Variants in DNMT3A observed in about 807,000 individuals in gnomAD.
The protein encoded by DNMT3A is DNA methyltransferase 3 alpha.
DNMT3A carries 267 observed loss-of-function variants against 117.6 expected under a neutral mutation model. That is an observed-to-expected ratio of 2.27 (90% confidence interval 2.05 to 2.51). The LOEUF is 2.51. Among genes scored for constraint, DNMT3A ranks in the 30% most tolerant of loss-of-function variants. The pLI, the probability that DNMT3A is intolerant of heterozygous loss-of-function variation, is 0.00. For synonymous variants in DNMT3A, 432 were observed against 474.8 expected (o/e 0.91, Z 1.17); for missense variants, 1,029 against 1,260.2 (o/e 0.82, Z 2.78).
At chr2:25,336,320 A>C (rs2035214551) in intron 1 of DNMT3A, among the ~76,000 whole-genome samples, 1 of 152,166 alleles carries the variant, frequency 6.6e-6, no homozygotes, top group Non-Finnish European at 1.5e-5. Flanking sequence ...AGCCCCTTGC[A>C]GGAATGTTCT....
rs59173625 is a variant in DNMT3A, at chr2:25,339,946, CG to C, written c.-178+1879del. Among the ~76,000 whole-genome samples, 152,366 of 152,366 alleles carry C rather than the reference CG, an allele frequency of 1. 76,183 individuals are homozygous for C. Among genetic ancestry groups the C allele is most frequent in the Non-Finnish European group, 1 (68,040 of 68,040 alleles). ...CCTTCGTAGCCGCCCGCCCAGGAGG[CG>C]GGTTCAGCCGCTGGCAGCCTAGGGT... On this transcript the variant is annotated intron_variant, in intron 1 of 22. Transcript: ENST00000321117. The surrounding 1 kb of genome is among the most constrained non-coding windows in gnomAD (Gnocchi z 4.9).
intron 1 of DNMT3A, among the ~76,000 whole-genome samples, chr2:25,317,478 T>C (rs1345737266): frequency 6.6e-6 from 1 of 152,218 alleles, no homozygotes; most frequent in African/African-American, 2.4e-5. Flanking sequence ...CAGACAGGCG[T>C]GTGAACGCTG....
chr2:25,281,678 C>A lies in DNMT3A; in HGVS notation c.448+763G>T. 1.9e-6 allele frequency: 2 copies of A among 1,065,648 alleles called. No individual in the cohort carries two copies. 66.0% of individuals were successfully genotyped at this position (1,065,648 alleles called of 1,614,324 possible). A position where few individuals can be genotyped will look rare whatever the true frequency, so the allele number is the denominator to read the frequency against. The stretch of plus-strand genomic sequence containing the variant: ...GAAAGCGCTTTGTAAACTGTGAAGC[C>A]CTGTACAAATGCTAGTTGTCCTCAT... On this transcript the variant is annotated intron_variant, in intron 4 of 22. Transcript: ENST00000321117. This position sits in a 1 kb window ranked among gnomAD's most constrained non-coding sequence, Gnocchi z 4.8.
chr2:25,246,972 C>A (rs565030490), intron 9 of DNMT3A, 79 bp downstream of exon 9: 2 of 1,540,220 alleles, frequency 1.3e-6, no homozygotes, highest in African/African-American at 2.7e-5. Context: ...CCGTTCTGCT[C>A]AAGCCCGACC....
At chr2:25,316,747 T>G (rs1280975795) in intron 1 of DNMT3A, among the ~76,000 whole-genome samples, 1 of 152,176 alleles carries the variant, frequency 6.6e-6, no homozygotes, top group Non-Finnish European at 1.5e-5. Context: ...ACCAAAGCGT[T>G]CTTCCCACCT....
chr2:25,332,289 C>T (rs1279150528), intron 1 of DNMT3A, among the ~76,000 whole-genome samples: 2 of 152,232 alleles, frequency 1.3e-5, no homozygotes, highest in East Asian at 1.9e-4. Context: ...AAAGTGCCGT[C>T]GTCCACCTAG....
intron 1 of DNMT3A, among the ~76,000 whole-genome samples, chr2:25,333,082 G>A (rs2035074728): frequency 6.7e-6 from 1 of 149,768 alleles, no homozygotes; most frequent in African/African-American, 2.4e-5. Context: ...TGGCTTCACA[G>A]GAAGAAGTGG....
At position 25,247,690 on chromosome 2, in the gene DNMT3A, C is replaced by T. The variant is rs761839006; in HGVS notation, c.915G>A (p.Trp305Ter). ...ACCAAGACACAATGCGGCCTGGCCA[C>T]CAGGAGAAGCCCCGCAGTTTCCCCC... ...LVWGKLRGFSWWPGRIVSWWM... is the reference protein window; with the variant it reads ...LVWGKLRGFS The change falls in exon 8 of 23, where the codon TGG (tryptophan) becomes TGA (stop). Residue 305 changes from tryptophan to a stop codon, truncating the protein, a stop_gained. Coordinates refer to ENST00000321117, the MANE Select transcript of DNMT3A (RefSeq NM_022552.5). LOFTEE classifies it high-confidence loss of function. This position sits in a 1 kb window ranked among gnomAD's most constrained non-coding sequence, Gnocchi z 5.6. 5.6e-6 allele frequency: 9 copies of T among 1,613,656 alleles called. No homozygotes were observed. The highest frequency in any genetic ancestry group is 1.7e-5 in the Admixed American group (1 of 59,998).
At chr2:25,264,612 G>A (rs2149349908) in intron 6 of DNMT3A, among the ~76,000 whole-genome samples, 2 of 152,036 alleles carry the variant, frequency 1.3e-5, no homozygotes, top group East Asian at 1.9e-4. Flanking sequence ...GGAGGTGCCT[G>A]CCACCACGCC....
chr2:25,319,214 C>G (rs1414905713), intron 1 of DNMT3A, among the ~76,000 whole-genome samples: 1 of 151,932 alleles, frequency 6.6e-6, no homozygotes, highest in Non-Finnish European at 1.5e-5. Context: ...CGGGGTTTCA[C>G]CATGTTAGCC....
rs889272244 is a variant in DNMT3A at position 25,311,606 on chromosome 2, G to A, written c.72+2307C>T. Among the ~76,000 whole-genome samples, 2 of 152,198 alleles carry A rather than the reference G, an allele frequency of 1.3e-5. No homozygotes were observed. Among genetic ancestry groups the A allele is most frequent in the African/African-American group, 2.4e-5 (1 of 41,438 alleles). ...TCAGCACCGGGATCTAGGGCTGGGT[G>A]TGTGTTTGTTGCCGCTTGAGCCAGA... On this transcript the variant is annotated intron_variant, in intron 2 of 22. Coordinates refer to ENST00000321117, the MANE Select transcript of DNMT3A (RefSeq NM_022552.5). This position sits in a 1 kb window ranked among gnomAD's most constrained non-coding sequence, Gnocchi z 5.2.
chr2:25,270,141 AC>A (rs1439121840), intron 6 of DNMT3A, among the ~76,000 whole-genome samples: 1 of 152,178 alleles, frequency 6.6e-6, no homozygotes, highest in Admixed American at 6.5e-5. Flanking sequence ...GTGCACCACC[AC>A]AACAAACTCC....
At chr2:25,262,313 C>T (rs754773607) in intron 6 of DNMT3A, among the ~76,000 whole-genome samples, 16 of 151,984 alleles carry the variant, frequency 1.1e-4, no homozygotes, top group East Asian at 3.8e-4. Context: ...AAAGACCTTG[C>T]GGTAGACAGA....
Position 25,329,393 on chromosome 2 carries a change from G to A in DNMT3A, c.-178+12433C>T, listed in dbSNP as rs572093387. Among the ~76,000 whole-genome samples, 6 of 152,222 alleles carry A rather than the reference G, an allele frequency of 3.9e-5. No individual in the cohort carries two copies. In the South Asian group the frequency reaches 1.2e-3, roughly 32 times the overall value. ...GTGTTTAACATAGGGCCTGGCACGT[G>A]GCAGGTACTCAATAAATGATCATTT... On this transcript the variant is annotated intron_variant, in intron 1 of 22. Coordinates refer to ENST00000321117, the MANE Select transcript of DNMT3A (RefSeq NM_022552.5).
At chr2:25,299,541 G>C (rs1327540110) in intron 3 of DNMT3A, among the ~76,000 whole-genome samples, 2 of 152,186 alleles carry the variant, frequency 1.3e-5, no homozygotes, top group Admixed American at 6.5e-5. Context: ...CTTCCAGAGG[G>C]AGGCCAGGAG....
At chr2:25,287,631 G>T (rs116319858) in intron 3 of DNMT3A, among the ~76,000 whole-genome samples, 345 of 152,160 alleles carry the variant, frequency 2.3e-3, no homozygotes, top group African/African-American at 8.1e-3. Flanking sequence ...TGGCATGTGT[G>T]TGAAGACATT....
Position 25,234,060 on chromosome 2 carries a change from A to G in DNMT3A, c.*219T>C, listed in dbSNP as rs1673045608. On this transcript the variant is annotated 3_prime_UTR_variant, in exon 23 of 23. Transcript: ENST00000321117. This position sits in a 1 kb window ranked among gnomAD's most constrained non-coding sequence, Gnocchi z 4.5. The stretch of plus-strand genomic sequence containing the variant: ...TTGGTTTTGTTTTTAAATAGGACTG[A>G]AGAATAACATTGAAAAATCAGGAGA... 1.2e-5 allele frequency: 7 copies of G among 600,818 alleles called. No individual in the cohort carries two copies. The highest frequency in any genetic ancestry group is 1.8e-5 in the Non-Finnish European group (7 of 390,428). The allele number at this position is 600,818 out of a possible 1,614,324, so 37.2% of individuals were successfully genotyped here.
rs768183270 is a variant in DNMT3A, at chr2:25,245,352, G to A, written c.1475-20C>T. 3.1e-6 allele frequency: 5 copies of A among 1,610,386 alleles called. No individual in the cohort carries two copies. The East Asian group carries it at 6.7e-5, about 22-fold the overall frequency. The stretch of plus-strand genomic sequence containing the variant: ...AGATGTCTGGAAAGCAGAGGGAGGG[G>A]ATGGGGTGAGTACCACCGAAGGGCC... On this transcript the variant is annotated intron_variant, in intron 12 of 22. Coordinates refer to ENST00000321117, the MANE Select transcript of DNMT3A (RefSeq NM_022552.5).
rs749039200 is a variant in DNMT3A, at chr2:25,275,524, G to T, written c.468C>A (p.Thr156=). ...PAEAGKEQKE[T]NIESMKMEGS... ...CCTCCATTTTCATGGATTCGATGTT[G>T]GTCTCCTTCTGTTCTTTGCCTGTGG... Residue 156 remains threonine, a synonymous_variant, in exon 5 of 23, where the codon ACC becomes ACA. Transcript: ENST00000321117. The T allele has an allele frequency of 1.3e-6, 2 of 1,584,862 alleles. No individual in the cohort carries two copies. Among genetic ancestry groups the T allele is most frequent in the South Asian group, 2.3e-5 (2 of 86,434 alleles).
Sources: gnomAD v4.1 joint callset for allele counts (sites outside exome capture counted in the v4.1 genomes callset) on GRCh38, gnomAD v4.1.1 for gene constraint, Gnocchi (gnomAD v3.1) non-coding constraint, MANE v1.5 for transcripts, NCBI Gene and HGNC (gene_info 2026-07-23, HGNC 2026-07-21) for gene names.